The following COLEC10 variants were observed in gnomAD, a reference collection of about 807,000 sequenced individuals.
The protein encoded by COLEC10 is collectin-10.
COLEC10 carries 22 observed loss-of-function variants against 28.4 expected under a neutral mutation model. The observed-to-expected ratio is 0.78, with a 90% CI of 0.55 to 1.11. The LOEUF (loss-of-function observed/expected upper bound fraction) is 1.11, where lower values mean the gene tolerates loss of function less well. COLEC10 is among the 50% of genes least tolerant of loss of function. The pLI is 0.00. For synonymous variants in COLEC10, 125 were observed against 116.1 expected, an observed-to-expected ratio of 1.08 and a Z score of -0.49; for missense variants, 361 against 344.1, an observed-to-expected ratio of 1.05 and a Z score of -0.39.
chr8:119,009,155 G>A (rs1425219373), intron 1 of COLEC10, among the ~76,000 whole-genome samples: 1 of 150,826 alleles, frequency 6.6e-6, no homozygotes, highest in Non-Finnish European at 1.5e-5. Flanking sequence ...AGAGACCACT[G>A]GCCCATACCA....
rs138362458 is a variant in COLEC10 at position 119,069,605 on chromosome 8, C to CA, written c.148+2201dup. On this transcript the variant is annotated intron_variant, in intron 1 of 5. Coordinates refer to ENST00000332843, the MANE Select transcript of COLEC10 (RefSeq NM_006438.5). The stretch of plus-strand genomic sequence containing the variant: ...TGGACAACAGAGTGAGACCCCATCT[C>CA]AAAAAAAAAAAAAAAAAAAAAAAAA... 2.3e-3 allele frequency among the ~76,000 whole-genome samples: 20 copies of CA among 8,786 alleles called. 2 individuals are homozygous for CA. Among genetic ancestry groups the CA allele is most frequent in the Non-Finnish European group, 2.7e-3 (9 of 3,390 alleles). The allele number at this position is 8,786 out of a possible 152,430, so 5.8% of individuals were successfully genotyped here.
the COLEC10 span, among the ~76,000 whole-genome samples, chr8:118,955,364 GA>G: frequency 1.4e-4 from 22 of 152,290 alleles, no homozygotes; most frequent in East Asian, 4.2e-3. Flanking sequence ...ACTTTCTGAT[GA>G]AGAAAGATGT....
chr8:118,970,418 G>C, the COLEC10 span, among the ~76,000 whole-genome samples: 4 of 151,964 alleles, frequency 2.6e-5, no homozygotes, highest in Non-Finnish European at 5.9e-5. Context: ...TCTGATAGTA[G>C]CAAGAGTCAA....
intron 1 of COLEC10, among the ~76,000 whole-genome samples, chr8:119,083,673 A>C (rs923542185): frequency 6.6e-6 from 1 of 152,168 alleles, no homozygotes; most frequent in African/African-American, 2.4e-5. Flanking sequence ...ATTTTCCCGG[A>C]TAGGAAACTA....
chr8:119,014,635 T>C (rs1015110693), intron 2 of COLEC10, among the ~76,000 whole-genome samples: 1 of 150,912 alleles, frequency 6.6e-6, no homozygotes, highest in Admixed American at 6.6e-5. Flanking sequence ...GGGGAAATTA[T>C]CAAATATTTT....
At position 119,106,072 on chromosome 8, in the gene COLEC10, C is replaced by T. The variant is rs369226811; in HGVS notation, c.715C>T (p.Pro239Ser). 2.5e-6 allele frequency: 4 copies of T among 1,613,756 alleles called. No individual in the cohort carries two copies. The highest frequency in any genetic ancestry group is 3.3e-5 in the Admixed American group (2 of 59,932). ...QNYSNWNEGE[P>S]SDPYGHEDCV... is the part of the protein sequence containing the mutation. ...CTATAGCAACTGGAATGAGGGGGAA[C>T]CCAGCGACCCCTATGGTCATGAGGA... Residue 239 changes from proline (P) to serine (S), a missense_variant, in exon 6 of 6, where the codon CCC becomes TCC. Coordinates refer to ENST00000332843, the MANE Select transcript of COLEC10 (RefSeq NM_006438.5).
At chr8:118,983,231 T>C in the COLEC10 span, among the ~76,000 whole-genome samples, 1 of 152,204 alleles carries the variant, frequency 6.6e-6, no homozygotes, top group Non-Finnish European at 1.5e-5. Context: ...AATCCACTCT[T>C]GTGTCTACTG....
At chr8:119,076,641 G>T (rs1020425544) in intron 1 of COLEC10, among the ~76,000 whole-genome samples, 15 of 152,222 alleles carry the variant, frequency 9.9e-5, no homozygotes, top group Non-Finnish European at 2.1e-4. Flanking sequence ...TCATTTATTT[G>T]ATGCTGCCCA....
Position 119,103,826 on chromosome 8 carries a change from C to A in COLEC10, c.373C>A (p.Arg125=), listed in dbSNP as rs149331285. ...TACTGTCTGTGATTGTGGAAGATAC[C>A]GGAAATTTGTTGGACAACTGGATAT... ...AGTVCDCGRY[R]KFVGQLDISI... is the part of the protein sequence containing the mutation. The change falls in exon 5 of 6, where the codon CGG becomes AGG. Residue 125 remains arginine (R), a synonymous_variant. Transcript: ENST00000332843. 1.2e-6 allele frequency: 2 copies of A among 1,612,106 alleles called. No individual in the cohort carries two copies.
chr8:118,994,770 G>A (rs1246115403), upstream of COLEC10, among the ~76,000 whole-genome samples: 2 of 152,170 alleles, frequency 1.3e-5, no homozygotes, highest in African/African-American at 2.4e-5. Flanking sequence ...TAGTTTTGAT[G>A]TGACAGTAAC....
At position 119,075,669 on chromosome 8, in the gene COLEC10, G is replaced by T. The variant is rs1815214522; in HGVS notation, c.148+8240G>T. 2.0e-5 allele frequency among the ~76,000 whole-genome samples: 3 copies of T among 152,064 alleles called. No individual in the cohort carries two copies. The South Asian group carries it at 6.2e-4, about 32-fold the overall frequency. ...TTTAGGCTCAACTGACACCTATAAG[G>T]ATCATCACTCTTATTTTAAGGAGAA... On this transcript the variant is annotated intron_variant, in intron 1 of 5. Coordinates refer to ENST00000332843, the MANE Select transcript of COLEC10 (RefSeq NM_006438.5).
At chr8:118,983,767 AT>A in the COLEC10 span, among the ~76,000 whole-genome samples, 1 of 152,190 alleles carries the variant, frequency 6.6e-6, no homozygotes, top group African/African-American at 2.4e-5. Context: ...GTAAATGCAA[AT>A]CAAAACCATG....
At chr8:118,983,262 G>A in the COLEC10 span, among the ~76,000 whole-genome samples, 9 of 152,042 alleles carry the variant, frequency 5.9e-5, no homozygotes, top group Admixed American at 4.6e-4. Flanking sequence ...AATCCTTCCC[G>A]AATTTCAAAG....
At chr8:119,033,144 T>C (rs1814322429) in intron 2 of COLEC10, among the ~76,000 whole-genome samples, 1 of 152,204 alleles carries the variant, frequency 6.6e-6, no homozygotes, top group African/African-American at 2.4e-5. Flanking sequence ...GGCATGGGGC[T>C]GAACGTAACA....
chr8:118,959,538 A>G, the COLEC10 span, among the ~76,000 whole-genome samples: 6 of 152,216 alleles, frequency 3.9e-5, no homozygotes, highest in Admixed American at 3.3e-4. Flanking sequence ...GCAAGCCATA[A>G]GCTCTCCACA....
At chr8:119,020,005 T>G (rs968914011) in intron 2 of COLEC10, among the ~76,000 whole-genome samples, 1 of 152,208 alleles carries the variant, frequency 6.6e-6, no homozygotes, top group Non-Finnish European at 1.5e-5. Flanking sequence ...TCACACAAGG[T>G]CCAGATCATG....
chr8:119,046,342 A>G (rs1345122679), intron 2 of COLEC10, among the ~76,000 whole-genome samples: 1 of 152,076 alleles, frequency 6.6e-6, no homozygotes, highest in African/African-American at 2.4e-5. Flanking sequence ...TGTGTCACTC[A>G]TCTTTGTTTA....
chr8:118,975,921 G>A, the COLEC10 span, among the ~76,000 whole-genome samples: 8 of 152,050 alleles, frequency 5.3e-5, no homozygotes, highest in African/African-American at 1.9e-4. Context: ...TCTTTGTCAG[G>A]TGTTGAGCTT....
At chr8:119,018,562 A>G (rs192032609) in intron 2 of COLEC10, among the ~76,000 whole-genome samples, 21 of 152,358 alleles carry the variant, frequency 1.4e-4, no homozygotes, top group South Asian at 4.1e-4. Context: ...ACTTTTGCCA[A>G]TGGAAATCCT....
Sources: gnomAD v4.1 joint callset for allele counts (sites outside exome capture counted in the v4.1 genomes callset) on GRCh38, gnomAD v4.1.1 for gene constraint, MANE v1.5 for transcripts, NCBI Gene and HGNC (gene_info 2026-07-23, HGNC 2026-07-21) for gene names.